EPG5: variants seen among roughly 807,000 people sequenced by gnomAD.
EPG5 encodes the protein ectopic P-granules 5 autophagy tethering factor.
A neutral mutation model predicts 302.7 loss-of-function variants in EPG5; 159 were observed. The ratio of observed to expected loss-of-function variants is 0.53; its 90% CI spans 0.46 to 0.60. The LOEUF (loss-of-function observed/expected upper bound fraction) is 0.60, where lower values mean the gene tolerates loss of function less well. Among genes scored for constraint, EPG5 ranks in the 20% least tolerant of loss-of-function variants. The pLI, the probability that EPG5 is intolerant of heterozygous loss-of-function variation, is 0.00. For synonymous variants in EPG5, 1,158 were observed against 1,136.8 expected (o/e 1.02, Z -0.37); for missense variants, 2,896 against 3,092.4 (o/e 0.94, Z 1.51).
At chr18:45,916,684 A>G (rs933562138) in intron 17 of EPG5, 102 bp from the exon 18 acceptor site, 9 of 1,269,774 alleles carry the variant, frequency 7.1e-6, no homozygotes, top group Non-Finnish European at 9.5e-6. Context: ...AATTGGTCCC[A>G]TTTTTCGACC....
At chr18:45,924,934 T>C (rs1456936970) in intron 14 of EPG5, among the ~76,000 whole-genome samples, 2 of 152,158 alleles carry the variant, frequency 1.3e-5, no homozygotes, top group East Asian at 3.9e-4. Context: ...TTAATATGAA[T>C]GTTTACAAAT....
chr18:45,963,465 C>T (rs149449247), intron 1 of EPG5, among the ~76,000 whole-genome samples: 4,786 of 152,136 alleles, frequency 0.031, 219 homozygotes, highest in African/African-American at 0.1. Flanking sequence ...GGTGAAACTC[C>T]GTCTCTACTA....
At chr18:45,911,082 C>T (rs1462401760) in intron 22 of EPG5, among the ~76,000 whole-genome samples, 1 of 68,616 alleles carries the variant, frequency 1.5e-5, no homozygotes, top group Non-Finnish European at 3.5e-5. Context: ...TATCTATACA[C>T]ACACACACAC....
the EPG5 span, among the ~76,000 whole-genome samples, chr18:45,832,135 A>T: frequency 6.6e-6 from 1 of 152,200 alleles, no homozygotes; most frequent in African/African-American, 2.4e-5. Flanking sequence ...ACACATATGG[A>T]GCATTTGCTG....
chr18:45,915,453 T>A, intron 20 of EPG5, 58 bp downstream of exon 20: 3 of 1,199,688 alleles, frequency 2.5e-6, no homozygotes, highest in Non-Finnish European at 3.7e-6. Context: ...TTTGTAAGGA[T>A]GATCATGAGA....
chr18:45,899,156 C>G (rs2049547358), intron 27 of EPG5, among the ~76,000 whole-genome samples: 1 of 152,096 alleles, frequency 6.6e-6, no homozygotes, highest in Non-Finnish European at 1.5e-5. Flanking sequence ...GAAGCCCTCT[C>G]TCTAGGAATC....
intron 29 of EPG5, 110 bp downstream of exon 29, chr18:45,887,641 G>T: frequency 2.2e-6 from 2 of 925,374 alleles, no homozygotes; most frequent in Non-Finnish European, 3.0e-6. Flanking sequence ...ACTTGGGTAA[G>T]ACTCTGAACC....
At chr18:45,926,569 G>A (rs2050272901) in intron 13 of EPG5, among the ~76,000 whole-genome samples, 1 of 152,162 alleles carries the variant, frequency 6.6e-6, no homozygotes, top group South Asian at 2.1e-4. Context: ...GCTCATGCCT[G>A]TAATCCCAGC....
At chr18:45,895,636 T>A (rs533399160) in intron 27 of EPG5, among the ~76,000 whole-genome samples, 1 of 152,280 alleles carries the variant, frequency 6.6e-6, no homozygotes, top group African/African-American at 2.4e-5. Context: ...GAGAAGTGCT[T>A]AGAGATTCAG....
intron 13 of EPG5, 97 bp downstream of exon 13, chr18:45,928,772 A>T: frequency 8.5e-7 from 1 of 1,182,006 alleles, no homozygotes; most frequent in Non-Finnish European, 1.2e-6. Context: ...TTATACCCCT[A>T]GTGACAAGAT....
At chr18:45,818,163 G>A in the EPG5 span, among the ~76,000 whole-genome samples, 3 of 151,858 alleles carry the variant, frequency 2.0e-5, 1 homozygote, top group East Asian at 5.8e-4. Context: ...CTAACTATAT[G>A]GGTATTTAAA....
the EPG5 span, among the ~76,000 whole-genome samples, chr18:45,823,225 C>T: frequency 6.6e-6 from 1 of 152,058 alleles, no homozygotes; most frequent in African/African-American, 2.4e-5. Context: ...ATGGGAGGTG[C>T]TTTAACAACA....
rs575679847 is a variant in EPG5 at position 45,945,698 on chromosome 18, A to C, written c.1677+965T>G. Reference sequence around the variant, plus strand: ...TAAAAAAAACATATTGCTCCACTACAATCTTTAAAAGACCAATCTGTACTG... The same window carrying C: ...TAAAAAAAACATATTGCTCCACTACCATCTTTAAAAGACCAATCTGTACTG... On this transcript the variant is annotated intron_variant, in intron 7 of 43. Transcript: ENST00000282041. Among the ~76,000 whole-genome samples, 3 of 152,290 alleles carry C rather than the reference A, an allele frequency of 2.0e-5. 1 individual carries two copies. The South Asian group carries it at 6.2e-4, about 32-fold the overall frequency.
chr18:45,917,035 G>A (rs1183223385), intron 17 of EPG5, among the ~76,000 whole-genome samples: 1 of 152,186 alleles, frequency 6.6e-6, no homozygotes, highest in African/African-American at 2.4e-5. Flanking sequence ...GGAGAAACCT[G>A]GGAATCCATA....
Position 45,855,653 on chromosome 18 carries a change from G to C in EPG5, c.7477C>G (p.Leu2493Val). ...TCTTCCATAGGAACCTGAACTGAAAGGAAGGCAGCCATGCTTCGGGCAACC... is the reference window on the plus strand; with the variant it reads ...TCTTCCATAGGAACCTGAACTGAAACGAAGGCAGCCATGCTTCGGGCAACC... ...RVVARSMAAF[L>V]SVQVPMEDQI... Residue 2493 changes from leucine (L) to valine (V), a missense_variant, in exon 43 of 44, where the codon CTT (leucine) becomes GTT (valine). Leu to Val is a conservative substitution (Grantham distance 32). Coordinates refer to ENST00000282041, the MANE Select transcript of EPG5 (RefSeq NM_020964.3). The C allele has an allele frequency of 6.2e-7, 1 of 1,614,200 alleles. No homozygotes were observed. Among genetic ancestry groups the C allele is most frequent in the Non-Finnish European group, 8.5e-7 (1 of 1,180,016 alleles).
At chr18:45,956,177 T>C (rs1250955412) in intron 1 of EPG5, among the ~76,000 whole-genome samples, 3 of 152,134 alleles carry the variant, frequency 2.0e-5, no homozygotes, top group Non-Finnish European at 2.9e-5. Context: ...GATAACCCAA[T>C]AGGATATTCC....
intron 4 of EPG5, among the ~76,000 whole-genome samples, chr18:45,950,254 G>C (rs1266768620): frequency 6.6e-6 from 1 of 152,098 alleles, no homozygotes; most frequent in African/African-American, 2.4e-5. Context: ...AGATATCTTG[G>C]TGATATGGTT....
At chr18:45,865,886 C>G (rs374877964) in intron 38 of EPG5, 127 bp from the exon 39 acceptor site, 6 of 1,091,178 alleles carry the variant, frequency 5.5e-6, no homozygotes, top group East Asian at 2.4e-5. Flanking sequence ...GAACAGGAAG[C>G]CACATGAAGA....
chr18:45,877,691 T>C (rs11082493), intron 34 of EPG5, among the ~76,000 whole-genome samples: 24,290 of 152,050 alleles, frequency 0.16, 2,401 homozygotes, highest in East Asian at 0.33. Context: ...AAGACCTGAG[T>C]TCTAGTCGCA....
Sources: gnomAD v4.1 joint callset for allele counts (sites outside exome capture counted in the v4.1 genomes callset) on GRCh38, gnomAD v4.1.1 for gene constraint, MANE v1.5 for transcripts, NCBI Gene and HGNC (gene_info 2026-07-23, HGNC 2026-07-21) for gene names.